WDR27: variants seen among roughly 807,000 people sequenced by gnomAD.
The protein encoded by WDR27 is WD repeat-containing protein 27.
In WDR27, 100 loss-of-function variants were observed where a neutral mutation model predicts 114.4. The observed-to-expected ratio is 0.87, with a 90% CI of 0.74 to 1.03. WDR27 has a LOEUF of 1.03. Ranked by LOEUF, WDR27 falls within the 50% of genes least tolerant of loss-of-function variation. The probability of loss-of-function intolerance (pLI) is 0.00; values close to 1 mark genes in which losing one functional copy is unlikely to be tolerated. For synonymous variants in WDR27, 449 were observed against 423.1 expected (o/e 1.06, Z -0.75); for missense variants, 1,129 against 1,092.9 (o/e 1.03, Z -0.47).
intron 6 of WDR27, 25 bp downstream of exon 6, chr6:169,667,111 G>A (rs757480415): frequency 4.4e-5 from 66 of 1,491,184 alleles, no homozygotes; most frequent in Non-Finnish European, 5.3e-5. Flanking sequence ...CCTATTTACA[G>A]AAAACATGAA....
At chr6:169,608,847 C>T (rs112176670) in intron 22 of WDR27, among the ~76,000 whole-genome samples, 2,693 of 152,322 alleles carry the variant, frequency 0.018, 20 homozygotes, top group Non-Finnish European at 0.028. Flanking sequence ...CAAGCCAAGT[C>T]CCTTCTGCCT....
intron 25 of WDR27, among the ~76,000 whole-genome samples, chr6:169,478,923 A>G (rs910075446): frequency 1.3e-5 from 2 of 152,236 alleles, no homozygotes; most frequent in Non-Finnish European, 2.9e-5. Flanking sequence ...AATGGACTAA[A>G]GATTTAAACG....
intron 25 of WDR27, among the ~76,000 whole-genome samples, chr6:169,483,164 A>G (rs777762258): frequency 2.0e-5 from 3 of 152,244 alleles, no homozygotes; most frequent in African/African-American, 4.8e-5. Context: ...AGCTAGCAGA[A>G]GACAAGAAAT....
chr6:169,465,178 A>AACCTGG (rs1474680903), intron 25 of WDR27, among the ~76,000 whole-genome samples: 3 of 150,264 alleles, frequency 2.0e-5, no homozygotes. Flanking sequence ...GAATCACTTG[A>AACCTGG]ACCTGGGAGG....
At chr6:169,439,183 T>C in the WDR27 span, among the ~76,000 whole-genome samples, 1 of 152,184 alleles carries the variant, frequency 6.6e-6, no homozygotes, top group Non-Finnish European at 1.5e-5. Context: ...TGACACTAGC[T>C]CTTACTAAAA....
At chr6:169,670,745 C>G in intron 3 of WDR27, 52 bp from the exon 4 acceptor site, 1 of 1,601,036 alleles carries the variant, frequency 6.2e-7, no homozygotes, top group Non-Finnish European at 8.5e-7. Context: ...TTCAGCATTA[C>G]ATTAATCTGA....
At chr6:169,605,108 C>CAAAAAAAAAAAAAAAAAAAAAAAAAAAAA (rs59884264) in intron 22 of WDR27, among the ~76,000 whole-genome samples, 1 of 76,198 alleles carries the variant, frequency 1.3e-5, no homozygotes, top group African/African-American at 5.9e-5. Context: ...AGCAATTAGG[C>CAAAAAAAAAAAAAAAAAAAAAAAAAAAAA]AAAAAAAAAA....
At chr6:169,533,440 T>C (rs1433430521) in intron 25 of WDR27, among the ~76,000 whole-genome samples, 2 of 152,116 alleles carry the variant, frequency 1.3e-5, no homozygotes, top group Non-Finnish European at 2.9e-5. Flanking sequence ...TAGAAAACAA[T>C]GGAGAATGTA....
intron 25 of WDR27, among the ~76,000 whole-genome samples, chr6:169,515,225 C>T (rs1459373153): frequency 3.3e-5 from 5 of 151,806 alleles, no homozygotes; most frequent in Admixed American, 1.3e-4. Context: ...GAAATGTGTG[C>T]GTGTGTGCAG....
At position 169,688,927 on chromosome 6, in the gene WDR27, A is replaced by T. The variant is rs755921511; in HGVS notation, c.79T>A (p.Ser27Thr). The change falls in exon 2 of 26, where the codon TCC becomes ACC. Residue 27 changes from serine (S) to threonine (T), a missense_variant. By Grantham distance (58) the Ser-to-Thr change is moderately conservative (BLOSUM62 1). Transcript: ENST00000448612. ...DIVIEKYLVESKESVSHVQLA... is the reference protein window; with the variant it reads ...DIVIEKYLVETKESVSHVQLA... ...TGAACATGAGACACAGACTCCTTGG[A>T]TTCAACCAGGTATTTTTCTATAACT... The T allele has an allele frequency of 5.6e-6, 9 of 1,613,972 alleles. No individual in the cohort carries two copies. The Admixed American group carries it at 1.2e-4, about 21-fold the overall frequency.
chr6:169,697,673 G>A (rs1786557194), intron 1 of WDR27, among the ~76,000 whole-genome samples: 1 of 152,178 alleles, frequency 6.6e-6, no homozygotes, highest in African/African-American at 2.4e-5. Flanking sequence ...AGAAATAACG[G>A]TGTAAGTTGT....
intron 3 of WDR27, chr6:169,671,956 T>G: frequency 4.7e-6 from 1 of 213,854 alleles, no homozygotes; most frequent in Non-Finnish European, 9.2e-6. Flanking sequence ...TGTTTTCAGG[T>G]TGATACAAAA....
intron 19 of WDR27, among the ~76,000 whole-genome samples, chr6:169,634,809 T>C (rs1296800823): frequency 1.3e-5 from 2 of 152,160 alleles, no homozygotes; most frequent in African/African-American, 4.8e-5. Context: ...ACCAGCCTTT[T>C]TCTATAGGGT....
Position 169,651,841 on chromosome 6 carries a change from G to A in WDR27, c.1481+89C>T, listed in dbSNP as rs569495730. 93 of 1,167,800 alleles carry A rather than the reference G, an allele frequency of 8.0e-5. No homozygotes were observed. The East Asian group carries it at 1.5e-3, about 19-fold the overall frequency. The allele number at this position is 1,167,800 out of a possible 1,614,324, so 72.3% of individuals were successfully genotyped here. On this transcript the variant is annotated intron_variant, in intron 14 of 25. Transcript: ENST00000448612. ...GTCCTCTCTCCATACTGTGGCCCTC[G>A]GGGATGTATGTGTGTCCCTATTTGT...
intron 22 of WDR27, among the ~76,000 whole-genome samples, chr6:169,605,720 T>C (rs570583093): frequency 2.1e-3 from 316 of 151,988 alleles, no homozygotes; most frequent in African/African-American, 7.4e-3. Context: ...TACTACAAGG[T>C]TATAGTAACC....
intron 12 of WDR27, 44 bp from the exon 13 acceptor site, chr6:169,658,402 G>A (rs779641066): frequency 1.1e-5 from 16 of 1,446,234 alleles, no homozygotes; most frequent in East Asian, 4.9e-5. Context: ...CGCAAACGAC[G>A]ATACGATGGA....
At chr6:169,661,664 G>A (rs777128709) in intron 9 of WDR27, among the ~76,000 whole-genome samples, 6 of 152,076 alleles carry the variant, frequency 3.9e-5, no homozygotes, top group East Asian at 1.9e-4. Flanking sequence ...TGCACCCACC[G>A]GGAGCACCGT....
At chr6:169,564,607 T>A (rs1800162173) in intron 25 of WDR27, among the ~76,000 whole-genome samples, 1 of 152,178 alleles carries the variant, frequency 6.6e-6, no homozygotes, top group Non-Finnish European at 1.5e-5. Context: ...TGTGCTGGGC[T>A]GCGAGTAAGG....
At chr6:169,656,245 G>C (rs1369346399) in intron 13 of WDR27, among the ~76,000 whole-genome samples, 1 of 152,164 alleles carries the variant, frequency 6.6e-6, no homozygotes, top group Non-Finnish European at 1.5e-5. Context: ...TTAGGGAGGA[G>C]TGGGAATATG....
Sources: gnomAD v4.1 joint callset for allele counts (sites outside exome capture counted in the v4.1 genomes callset) on GRCh38, gnomAD v4.1.1 for gene constraint, MANE v1.5 for transcripts, NCBI Gene and HGNC (gene_info 2026-07-23, HGNC 2026-07-21) for gene names.